Variants in XAB2 observed in about 807,000 individuals in gnomAD.
The protein encoded by XAB2 is XPA binding protein 2.
In XAB2, 57 loss-of-function variants were observed where a neutral mutation model predicts 113.4. That is an observed-to-expected ratio of 0.50 (90% CI 0.41 to 0.63). The LOEUF (loss-of-function observed/expected upper bound fraction) is 0.63, where lower values mean the gene tolerates loss of function less well. XAB2 is among the 20% of genes least tolerant of loss of function. The pLI, the probability that XAB2 is intolerant of heterozygous loss-of-function variation, is 0.00. For synonymous variants in XAB2, 497 were observed against 498.8 expected (o/e 1.00, Z 0.05); for missense variants, 1,037 against 1,233.3 (o/e 0.84, Z 2.38).
chr19:7,622,005 G>A (rs1229827957), intron 12 of XAB2: 3 of 259,736 alleles, frequency 1.2e-5, no homozygotes, highest in African/African-American at 4.5e-5. Flanking sequence ...GGTCGTTAGG[G>A]GCCACCTAAT....
rs1369794266 is a variant in XAB2 at position 7,627,926 on chromosome 19, T to C, written c.201-75A>G. On this transcript the variant is annotated intron_variant, in intron 2 of 18. Coordinates refer to ENST00000358368, the MANE Select transcript of XAB2 (RefSeq NM_020196.3). The surrounding 1 kb of genome is among the most constrained non-coding windows in gnomAD (Gnocchi z 4.5). ...CCCAGAACCATTTGCCCTGCCCCAG[T>C]TGGCAAATGTGGGAAGAAGGGGTGT... 1.3e-6 allele frequency: 2 copies of C among 1,567,408 alleles called. No homozygotes were observed. Among genetic ancestry groups the C allele is most frequent in the South Asian group, 1.2e-5 (1 of 85,496 alleles).
At position 7,627,721 on chromosome 19, in the gene XAB2, C is replaced by G. The variant is rs1311541635; in HGVS notation, c.324+7G>C. 1 of 1,613,864 alleles carries G rather than the reference C, an allele frequency of 6.2e-7. No homozygotes were observed. Among genetic ancestry groups the G allele is most frequent in the Non-Finnish European group, 8.5e-7 (1 of 1,179,986 alleles). On this transcript the variant is annotated splice_region_variant and intron_variant, in intron 3 of 18. Transcript: ENST00000358368. The surrounding 1 kb of genome is among the most constrained non-coding windows in gnomAD (Gnocchi z 4.5). Reference sequence around the variant, plus strand: ...TTCCCGATTCATCCCCTCGCCGAGCCCCAAACCTTGTGCATGAACACAAAG... The same window carrying G: ...TTCCCGATTCATCCCCTCGCCGAGCGCCAAACCTTGTGCATGAACACAAAG...
chr19:7,626,630 ATTGACCCCCAACCCACAATGGGTCCAGCC>A (rs1409325825), intron 4 of XAB2, among the ~76,000 whole-genome samples: 3 of 150,870 alleles, frequency 2.0e-5, no homozygotes, highest in Admixed American at 6.6e-5. Flanking sequence ...TTGGGTTAGA[ATTGACCCCCAACCCACAATGGGTCCAGCC>A]TTGGCTCCAC....
At position 7,620,026 on chromosome 19, in the gene XAB2, C is replaced by T. The variant is rs768495624; in HGVS notation, c.2316G>A (p.Leu772=). 9 of 1,612,544 alleles carry T rather than the reference C, an allele frequency of 5.6e-6. No homozygotes were observed. The South Asian group carries it at 6.6e-5, about 12-fold the overall frequency. Residue 772 remains leucine (L), a synonymous_variant, in exon 17 of 19, where the codon CTG becomes CTA. Coordinates refer to ENST00000358368, the MANE Select transcript of XAB2 (RefSeq NM_020196.3). ...CCGCCAGCTGCTCTGCCCGCTGTTC[C>T]AGCAGCTTCATGTCGTCCATGCCAC... ...GQSGMDDMKL[L]EQRAEQLAAE...
At position 7,620,333 on chromosome 19, in the gene XAB2, C is replaced by A. The variant is rs764305450; in HGVS notation, c.2208G>T (p.Thr736=). ...IRRSVQATYN[T]QVNFMASQML... ...TCTGCGAGGCCATGAAGTTGACCTG[C>A]GTGTTGTACGTGGCCTGCACGCTGC... Residue 736 remains threonine (T), a synonymous_variant, in exon 16 of 19, where the codon ACG becomes ACT. Transcript: ENST00000358368. 36 of 1,613,598 alleles carry A rather than the reference C, an allele frequency of 2.2e-5. No individual in the cohort carries two copies. The highest frequency in any genetic ancestry group is 6.7e-5 in the Admixed American group (4 of 60,012).
Position 7,623,849 on chromosome 19 carries a change from A to G in XAB2, c.1001T>C (p.Phe334Ser). 1 of 1,605,660 alleles carries G rather than the reference A, an allele frequency of 6.2e-7. No individual in the cohort carries two copies. The highest frequency in any genetic ancestry group is 8.5e-7 in the Non-Finnish European group (1 of 1,177,616). ...GGGCCGCCGGCTGATGAGCTGCTCG[A>G]AGCGGGCCAGGCGCAGCTCCAGGTC... ...DVDLELRLAR[F>S]EQLISRRPLL... Residue 334 changes from phenylalanine (F) to serine (S), a missense_variant, in exon 8 of 19, where the codon TTC becomes TCC. Physicochemically the swap from Phe to Ser is radical, Grantham distance 155. Coordinates refer to ENST00000358368, the MANE Select transcript of XAB2 (RefSeq NM_020196.3). This position sits in a 1 kb window ranked among gnomAD's most constrained non-coding sequence, Gnocchi z 4.6.
At position 7,624,467 on chromosome 19, in the gene XAB2, G is replaced by A; in HGVS notation, c.823-22C>T. ...GAGCCTGTGGGGACCCAGGGAAGGG[G>A]AGGTGAGAGGAAAGTGGCGCAGGGG... On this transcript the variant is annotated intron_variant, in intron 6 of 18. Coordinates refer to ENST00000358368, the MANE Select transcript of XAB2 (RefSeq NM_020196.3). The surrounding 1 kb of genome is among the most constrained non-coding windows in gnomAD (Gnocchi z 4.2). 4 of 1,613,764 alleles carry A rather than the reference G, an allele frequency of 2.5e-6. No individual in the cohort carries two copies. Among genetic ancestry groups the A allele is most frequent in the Non-Finnish European group, 3.4e-6 (4 of 1,179,970 alleles).
In XAB2 at chr19:7,624,248, C is replaced by T. The variant is rs1001852438; in HGVS notation, c.967+53G>A. ...CACCTGAGATGTGTCCCGCCCCTACCGCTAATGTCCACTCAGCTCTCTCCC... is the reference window on the plus strand; with the variant it reads ...CACCTGAGATGTGTCCCGCCCCTACTGCTAATGTCCACTCAGCTCTCTCCC... On this transcript the variant is annotated intron_variant, in intron 7 of 18. Transcript: ENST00000358368. The surrounding 1 kb of genome is among the most constrained non-coding windows in gnomAD (Gnocchi z 4.2). 5.0e-6 allele frequency: 8 copies of T among 1,605,000 alleles called. No individual in the cohort carries two copies. Among genetic ancestry groups the T allele is most frequent in the East Asian group, 4.5e-5 (2 of 44,868 alleles).
At position 7,624,430 on chromosome 19, in the gene XAB2, C is replaced by T. The variant is rs188226286; in HGVS notation, c.838G>A (p.Glu280Lys). Residue 280 changes from glutamate to lysine, a missense_variant, in exon 7 of 19, where the codon GAG becomes AAG. Physicochemically the swap from Glu to Lys is moderately conservative, Grantham distance 56. Transcript: ENST00000358368. The surrounding 1 kb of genome is among the most constrained non-coding windows in gnomAD (Gnocchi z 4.2). Reference protein sequence around the residue: ...GHFEKARDVYEEAIRTVMTVR... With the variant: ...GHFEKARDVYKEAIRTVMTVR... ...GTCATCACTGTCCGGATGGCCTCCT[C>T]GTACACGTCCCGAGCCTGTGGGGAC... 5.6e-6 allele frequency: 9 copies of T among 1,614,096 alleles called. No homozygotes were observed. The Admixed American group carries it at 6.7e-5, about 12-fold the overall frequency.
In XAB2 at chr19:7,626,204, C is replaced by A. The variant is rs138706386; in HGVS notation, c.589G>T (p.Ala197Ser). ...TTCACCACGGTGGCCAGGCGCTGGG[C>A]GGCCTCATCCAGCCGGTCACTTGAC... ...LKSSDRLDEAAQRLATVVNDE... is the reference protein window; with the variant it reads ...LKSSDRLDEASQRLATVVNDE... Residue 197 changes from alanine (A) to serine (S), a missense_variant, in exon 5 of 19, where the codon GCC (alanine) becomes TCC (serine). Transcript: ENST00000358368. 3 of 1,613,596 alleles carry A rather than the reference C, an allele frequency of 1.9e-6. No individual in the cohort carries two copies. The Admixed American group carries it at 5.0e-5, about 27-fold the overall frequency.
At position 7,627,908 on chromosome 19, in the gene XAB2, C is replaced by A. The variant is rs1470024445; in HGVS notation, c.201-57G>T. ...GTCAGCTTTATGGACACCCCCAGAA[C>A]CATTTGCCCTGCCCCAGTTGGCAAA... On this transcript the variant is annotated intron_variant, in intron 2 of 18. Transcript: ENST00000358368. The surrounding 1 kb of genome is among the most constrained non-coding windows in gnomAD (Gnocchi z 4.5). 7.6e-6 allele frequency: 12 copies of A among 1,582,232 alleles called. No individual in the cohort carries two copies. The highest frequency in any genetic ancestry group is 7.8e-6 in the Non-Finnish European group (9 of 1,159,494).
chr19:7,627,118 A>AGGAG lies in XAB2; in HGVS notation c.522+124_522+125insCTCC. 3 of 1,092,466 alleles carry AGGAG rather than the reference A, an allele frequency of 2.7e-6. No homozygotes were observed. Among genetic ancestry groups the AGGAG allele is most frequent in the Non-Finnish European group, 4.0e-6 (3 of 756,936 alleles). 67.7% of individuals were successfully genotyped at this position (1,092,466 alleles called of 1,614,324 possible). ...CATGAATCACGGACAACAACAAAAC[A>AGGAG]CATGCATCTCCAGGAGCCTCTTCCC... is the stretch of plus-strand genomic sequence containing the variant. On this transcript the variant is annotated intron_variant, in intron 4 of 18. Transcript: ENST00000358368. The surrounding 1 kb of genome is among the most constrained non-coding windows in gnomAD (Gnocchi z 4.5).
At chr19:7,621,630 G>A in intron 12 of XAB2, 1 of 370,660 alleles carries the variant, frequency 2.7e-6, no homozygotes, top group Non-Finnish European at 5.0e-6. Flanking sequence ...CCTGACAGAG[G>A]GGCAGGCAGT....
In XAB2 at chr19:7,624,515, C is replaced by T; in HGVS notation, c.823-70G>A. The T allele has an allele frequency of 6.2e-7, 1 of 1,605,022 alleles. No individual in the cohort carries two copies. Among genetic ancestry groups the T allele is most frequent in the South Asian group, 1.1e-5 (1 of 90,848 alleles). On this transcript the variant is annotated intron_variant, in intron 6 of 18. Transcript: ENST00000358368. This position sits in a 1 kb window ranked among gnomAD's most constrained non-coding sequence, Gnocchi z 4.2. ...GGGACAGGCAGCAGCACTCTTAGCA[C>T]CAGCCTCAATGTGGAACCCCTGGGG... is the stretch of plus-strand genomic sequence containing the variant.
intron 16 of XAB2, 96 bp from the exon 17 acceptor site, chr19:7,620,171 A>C (rs1295305520): frequency 1.3e-6 from 2 of 1,594,098 alleles, no homozygotes; most frequent in Non-Finnish European, 1.7e-6. Flanking sequence ...CCCAGCCCTC[A>C]AGGAGATTGC....
intron 9 of XAB2, 83 bp from the exon 10 acceptor site, chr19:7,622,976 TCACAAACATACAGG>T: frequency 1.9e-6 from 3 of 1,569,000 alleles, no homozygotes; most frequent in Non-Finnish European, 2.6e-6. Flanking sequence ...GTGACCATGC[TCACAAACATACAGG>T]CACAAACACA....
At chr19:7,621,542 T>G in intron 12 of XAB2, 1 of 516,372 alleles carries the variant, frequency 1.9e-6, no homozygotes, top group Non-Finnish European at 3.4e-6. Context: ...CCATAGGAGG[T>G]GACATGATGG....
At position 7,620,843 on chromosome 19, in the gene XAB2, T is replaced by C. The variant is rs1358544752; in HGVS notation, c.1971+3A>G. On this transcript the variant is annotated splice_donor_region_variant and intron_variant, in intron 14 of 18. Coordinates refer to ENST00000358368, the MANE Select transcript of XAB2 (RefSeq NM_020196.3). ...CCCCGGCCCAGCCCCCCACGGTGGG[T>C]ACCTCAATGGCCTTCTGGTAGATGC... 3 of 1,576,446 alleles carry C rather than the reference T, an allele frequency of 1.9e-6. No individual in the cohort carries two copies. Among genetic ancestry groups the C allele is most frequent in the Admixed American group, 1.7e-5 (1 of 57,592 alleles).
chr19:7,621,631 G>T, intron 12 of XAB2: 1 of 369,012 alleles, frequency 2.7e-6, no homozygotes, highest in East Asian at 4.8e-5. Flanking sequence ...CTGACAGAGG[G>T]GCAGGCAGTA....
Sources: gnomAD v4.1 joint callset for allele counts (sites outside exome capture counted in the v4.1 genomes callset) on GRCh38, gnomAD v4.1.1 for gene constraint, Gnocchi (gnomAD v3.1) non-coding constraint, MANE v1.5 for transcripts, NCBI Gene and HGNC (gene_info 2026-07-23, HGNC 2026-07-21) for gene names.